Variants in FAM168A observed in about 807,000 individuals in gnomAD.
FAM168A encodes family with sequence similarity 168 member A, also known as protein FAM168A.
A neutral mutation model predicts 28.5 loss-of-function variants in FAM168A; 3 were observed. That is an observed-to-expected ratio of 0.11 (90% CI 0.05 to 0.27). The LOEUF (loss-of-function observed/expected upper bound fraction) is 0.27. FAM168A is among the 10% of genes least tolerant of loss of function. The pLI is 1.00. For synonymous variants in FAM168A, 122 were observed against 124.2 expected (o/e 0.98, Z 0.12); for missense variants, 222 against 311.5 (o/e 0.71, Z 2.16).
At chr11:73,481,752 T>A (rs1390913824) in intron 1 of FAM168A, among the ~76,000 whole-genome samples, 1 of 152,060 alleles carries the variant, frequency 6.6e-6, no homozygotes, top group Non-Finnish European at 1.5e-5. Context: ...CTGGAAGAGG[T>A]CTGTGGCATG....
chr11:73,563,216 G>C (rs1164522585), intron 1 of FAM168A, among the ~76,000 whole-genome samples: 2 of 152,064 alleles, frequency 1.3e-5, no homozygotes, highest in Non-Finnish European at 1.5e-5. Context: ...AAACATTCCT[G>C]GTATATGCTT....
At chr11:73,413,192 A>G (rs1251918136) in intron 4 of FAM168A, among the ~76,000 whole-genome samples, 1 of 151,438 alleles carries the variant, frequency 6.6e-6, no homozygotes, top group African/African-American at 2.4e-5. Flanking sequence ...TCAGGAGGAT[A>G]GGAGAGCTGC....
chr11:73,513,679 C>T (rs148461012), intron 1 of FAM168A, among the ~76,000 whole-genome samples: 254 of 152,178 alleles, frequency 1.7e-3, no homozygotes, highest in Non-Finnish European at 2.8e-3. Flanking sequence ...AGTCACCTGA[C>T]CTGCACTGGA....
chr11:73,543,009 G>A (rs1279923405), intron 1 of FAM168A, among the ~76,000 whole-genome samples: 1 of 152,076 alleles, frequency 6.6e-6, no homozygotes, highest in Non-Finnish European at 1.5e-5. Context: ...TTATCAATAT[G>A]ACTTGCTCCT....
Position 73,460,922 on chromosome 11 carries a change from T to A in FAM168A, c.70+7483A>T, listed in dbSNP as rs576660282. On this transcript the variant is annotated intron_variant, in intron 2 of 7. Coordinates refer to ENST00000356467, the MANE Select transcript of FAM168A (RefSeq NM_015159.3). ...CCTTGTTTAAAGAAATCTAACTAAG[T>A]GTGTTGGAAATTAAAAAGCAGCTAT... Among the ~76,000 whole-genome samples the A allele has an allele frequency of 3.3e-5, 5 of 152,216 alleles. No individual in the cohort carries two copies. The South Asian group carries it at 6.2e-4, about 19-fold the overall frequency.
At chr11:73,531,422 G>A (rs746357725) in intron 1 of FAM168A, among the ~76,000 whole-genome samples, 4 of 152,184 alleles carry the variant, frequency 2.6e-5, no homozygotes, top group African/African-American at 4.8e-5. Context: ...GATATCAGAT[G>A]AACGACAACA....
intron 2 of FAM168A, among the ~76,000 whole-genome samples, chr11:73,463,093 A>G (rs907876091): frequency 1.3e-4 from 19 of 151,824 alleles, no homozygotes; most frequent in African/African-American, 4.6e-4. Context: ...CTCAGCCTCC[A>G]AAGTAGCTGG....
At chr11:73,512,203 T>C (rs539677316) in intron 1 of FAM168A, among the ~76,000 whole-genome samples, 2 of 152,304 alleles carry the variant, frequency 1.3e-5, no homozygotes, top group South Asian at 4.1e-4. Context: ...ACATATAATT[T>C]ACTTTGTGCT....
chr11:73,430,550 G>A, intron 3 of FAM168A, 140 bp downstream of exon 3: 1 of 739,044 alleles, frequency 1.4e-6, no homozygotes, highest in Admixed American at 1.9e-5. Flanking sequence ...TCCCAGAAGG[G>A]ACTCCCAGGA....
chr11:73,509,890 G>A (rs1328574294), intron 1 of FAM168A, among the ~76,000 whole-genome samples: 1 of 152,042 alleles, frequency 6.6e-6, no homozygotes, highest in Admixed American at 6.6e-5. Flanking sequence ...CCAACTCTGG[G>A]AGGCTTTCCC....
Position 73,452,803 on chromosome 11 carries a change from C to CA in FAM168A, c.70+15601dup, listed in dbSNP as rs144662672. Among the ~76,000 whole-genome samples, 710 of 120,130 alleles carry CA rather than the reference C, an allele frequency of 5.9e-3. 14 individuals are homozygous for CA. In the East Asian group the frequency reaches 0.076, roughly 13 times the overall value. The allele number at this position is 120,130 out of a possible 152,430, so 78.8% of individuals were successfully genotyped here. On this transcript the variant is annotated intron_variant, in intron 2 of 7. Transcript: ENST00000356467. ...AAATAAAATGGTGTGGAATGTTTTGCAAAAAAAAAATAATAATAATAAGTA... is the reference window on the plus strand; with the variant it reads ...AAATAAAATGGTGTGGAATGTTTTGCAAAAAAAAAAATAATAATAATAAGTA...
intron 1 of FAM168A, among the ~76,000 whole-genome samples, chr11:73,540,218 A>T (rs1007320015): frequency 1.3e-5 from 2 of 152,196 alleles, no homozygotes; most frequent in African/African-American, 4.8e-5. Context: ...AACAAATTAA[A>T]CTGATTTGAT....
intron 1 of FAM168A, among the ~76,000 whole-genome samples, chr11:73,543,431 T>C (rs1943682826): frequency 6.6e-6 from 1 of 152,032 alleles, no homozygotes; most frequent in South Asian, 2.1e-4. Context: ...CAGCTAATTT[T>C]TCTATTTTTA....
At chr11:73,561,654 C>T (rs1193682028) in intron 1 of FAM168A, among the ~76,000 whole-genome samples, 1 of 152,074 alleles carries the variant, frequency 6.6e-6, no homozygotes, top group African/African-American at 2.4e-5. Context: ...CTAGAAATGG[C>T]ATAGCCATTC....
At chr11:73,580,248 C>G (rs1469445500) in intron 1 of FAM168A, 2 of 540,978 alleles carry the variant, frequency 3.7e-6, no homozygotes, top group Non-Finnish European at 7.3e-6. Context: ...ACTGTCGCCG[C>G]CACCATGCCC....
At chr11:73,506,512 T>C (rs1855120917) in intron 1 of FAM168A, among the ~76,000 whole-genome samples, 1 of 152,220 alleles carries the variant, frequency 6.6e-6, no homozygotes, top group African/African-American at 2.4e-5. Flanking sequence ...TGTGAAAATA[T>C]TAGAAATCTA....
At chr11:73,510,321 T>C (rs1855196327) in intron 1 of FAM168A, among the ~76,000 whole-genome samples, 2 of 152,298 alleles carry the variant, frequency 1.3e-5, no homozygotes, top group South Asian at 4.1e-4. Flanking sequence ...AGATAAGGCG[T>C]AATCTCTGTC....
intron 7 of FAM168A, among the ~76,000 whole-genome samples, chr11:73,407,191 A>G (rs765768700): frequency 4.6e-5 from 7 of 152,258 alleles, no homozygotes; most frequent in Non-Finnish European, 8.8e-5. Context: ...TTACTGGCTA[A>G]GTGATATTTA....
At chr11:73,492,494 T>C (rs983852890) in intron 1 of FAM168A, among the ~76,000 whole-genome samples, 9 of 151,936 alleles carry the variant, frequency 5.9e-5, no homozygotes, top group African/African-American at 2.2e-4. Context: ...TCAAAAAAAT[T>C]AGCCGGGCAC....
Sources: gnomAD v4.1 joint callset for allele counts (sites outside exome capture counted in the v4.1 genomes callset) on GRCh38, gnomAD v4.1.1 for gene constraint, MANE v1.5 for transcripts, NCBI Gene and HGNC (gene_info 2026-07-23, HGNC 2026-07-21) for gene names.